Variants in MUC3A observed in about 807,000 individuals in gnomAD.
MUC3A encodes mucin 3A, cell surface associated, also known as mucin-3A.
In MUC3A, 109 loss-of-function variants were observed where a neutral mutation model predicts 109.0. The observed-to-expected ratio is 1.00, with a 90% CI of 0.86 to 1.17. The LOEUF (loss-of-function observed/expected upper bound fraction) is 1.17, where lower values mean the gene tolerates loss of function less well. MUC3A is among the 50% of genes most tolerant of loss of function. The pLI is 0.00. For synonymous variants in MUC3A, 1,398 were observed against 981.4 expected, an observed-to-expected ratio of 1.42 and a Z score of -7.93; for missense variants, 3,537 against 2,469.4, an observed-to-expected ratio of 1.43 and a Z score of -9.16.
chr7:100,964,894 C>A, intron 6 of MUC3A, 51 bp downstream of exon 6: 4 of 1,545,358 alleles, frequency 2.6e-6, no homozygotes, highest in East Asian at 2.3e-5. Context: ...CACCCCAGCC[C>A]ACTCCAGCTC....
At chr7:100,966,348 C>G (rs1459365256) in intron 8 of MUC3A, 38 bp from the exon 9 acceptor site, 6 of 1,298,504 alleles carry the variant, frequency 4.6e-6, no homozygotes, top group South Asian at 3.2e-5. Context: ...ACCCCGAGCC[C>G]GGAGGTGAAG....
At position 100,957,537 on chromosome 7, in the gene MUC3A, A is replaced by G. The variant is rs981427618; in HGVS notation, c.5758A>G (p.Ser1920Gly). The change falls in exon 2 of 12, where the codon AGT becomes GGT. Residue 1920 changes from serine to glycine, a missense_variant. Coordinates refer to ENST00000379458, the MANE Select transcript of MUC3A (RefSeq NM_005960.2). ...SIATTETPSH[S>G]TPRFTSSITT... is the part of the protein sequence containing the mutation. ...CGCAACCACCGAGACCCCCTCACAC[A>G]GTACTCCCAGATTCACTTCTTCAAT... 3 of 1,576,236 alleles carry G rather than the reference A, an allele frequency of 1.9e-6. No individual in the cohort carries two copies. The highest frequency in any genetic ancestry group is 2.6e-6 in the Non-Finnish European group (3 of 1,169,638).
intron 7 of MUC3A, 125 bp from the exon 8 acceptor site, chr7:100,965,579 T>C (rs1792504527): frequency 6.7e-7 from 1 of 1,490,172 alleles, no homozygotes; most frequent in South Asian, 1.3e-5. Context: ...TCCCAGGGTC[T>C]ACCCCACAGC....
At chr7:100,961,109 C>T in intron 3 of MUC3A, 172 bp downstream of exon 3, 5 of 977,306 alleles carry the variant, frequency 5.1e-6, no homozygotes, top group Non-Finnish European at 6.1e-6. Flanking sequence ...CCTCTCCGTC[C>T]TCACCCTTAG....
chr7:100,962,972 C>T (rs1792388526), intron 3 of MUC3A, among the ~76,000 whole-genome samples, 179 bp from the exon 4 acceptor site: 1 of 152,310 alleles, frequency 6.6e-6, no homozygotes, highest in Non-Finnish European at 1.5e-5. Context: ...TCTCCTGCCT[C>T]AGCCTCCTGA....
At chr7:100,965,223 CCTTGACCT>C in intron 6 of MUC3A, 51 bp from the exon 7 acceptor site, 1 of 1,564,856 alleles carries the variant, frequency 6.4e-7, no homozygotes, top group Non-Finnish European at 8.6e-7. Flanking sequence ...GGCGCTAACC[CCTTGACCT>C]TAACCCCTTG....
intron 7 of MUC3A, 96 bp from the exon 8 acceptor site, chr7:100,965,608 A>G: frequency 5.9e-6 from 9 of 1,527,890 alleles, no homozygotes; most frequent in Non-Finnish European, 7.9e-6. Flanking sequence ...TCGGAAATGG[A>G]ATCCTCCTCG....
Position 100,956,867 on chromosome 7 carries a change from C to T in MUC3A, c.5088C>T (p.Ser1696=). 4.8e-6 allele frequency: 2 copies of T among 413,280 alleles called. No homozygotes were observed. Among genetic ancestry groups the T allele is most frequent in the Admixed American group, 4.3e-5 (1 of 23,236 alleles). 25.6% of individuals were successfully genotyped at this position (413,280 alleles called of 1,614,324 possible). Residue 1696 remains serine, a synonymous_variant, in exon 2 of 12, where the codon TCC becomes TCT. Transcript: ENST00000379458. ...ITSTLHTTAE[S]TPSPTTTMSF... Reference sequence around the variant, plus strand: ...GTACACTCCACACAACAGCTGAATCCACCCCATCACCTACAACCACCATGT... The same window carrying T: ...GTACACTCCACACAACAGCTGAATCTACCCCATCACCTACAACCACCATGT...
In MUC3A at chr7:100,960,903, C is replaced by T. The variant is rs1321138578; in HGVS notation, c.9018C>T (p.Ser3006=). The T allele has an allele frequency of 1.3e-6, 2 of 1,598,416 alleles. No individual in the cohort carries two copies. Among genetic ancestry groups the T allele is most frequent in the Non-Finnish European group, 1.7e-6 (2 of 1,179,820 alleles). Residue 3006 remains serine (S), a synonymous_variant, in exon 3 of 12, where the codon TCC becomes TCT. Coordinates refer to ENST00000379458, the MANE Select transcript of MUC3A (RefSeq NM_005960.2). ...KCQCPSTFYG[S]SCEFAVEQVD... ...AGTGCCCCAGCACCTTCTATGGTTC[C>T]AGTTGTGAGTTTGCTGTGGAACAGG... is the stretch of plus-strand genomic sequence containing the variant.
At position 100,957,305 on chromosome 7, in the gene MUC3A, T is replaced by C; in HGVS notation, c.5526T>C (p.Pro1842=). 1 of 566,816 alleles carries C rather than the reference T, an allele frequency of 1.8e-6. No homozygotes were observed. The highest frequency in any genetic ancestry group is 1.9e-5 in the African/African-American group (1 of 51,830). 35.1% of individuals were successfully genotyped at this position (566,816 alleles called of 1,614,324 possible). Residue 1842 remains proline (P), a synonymous_variant, in exon 2 of 12, where the codon CCT becomes CCC. Transcript: ENST00000379458. Reference sequence around the variant, plus strand: ...CACCTACATCTGAGACCACCTACCCTACTTCTCTTACTAGTGCTCTCACAG... The same window carrying C: ...CACCTACATCTGAGACCACCTACCCCACTTCTCTTACTAGTGCTCTCACAG... ...SSTPTSETTY[P]TSLTSALTDS...
At chr7:100,963,094 G>C in intron 3 of MUC3A, 57 bp from the exon 4 acceptor site, 1 of 1,566,490 alleles carries the variant, frequency 6.4e-7, no homozygotes, top group South Asian at 1.2e-5. Context: ...GGTGGTGTTG[G>C]TGGCTTCAGA....
At chr7:100,963,786 T>G in intron 5 of MUC3A, 34 bp downstream of exon 5, 1 of 1,598,346 alleles carries the variant, frequency 6.3e-7, no homozygotes, top group Non-Finnish European at 8.5e-7. Context: ...GGAGGCGGTG[T>G]TGGGTGGGGG....
Position 100,959,446 on chromosome 7 carries a change from GA to G in MUC3A, c.7669del (p.Ile2557LeufsTer28). 1.9e-6 allele frequency: 3 copies of G among 1,553,638 alleles called. No homozygotes were observed. The highest frequency in any genetic ancestry group is 2.6e-6 in the Non-Finnish European group (3 of 1,161,058). On this transcript the variant is annotated frameshift_variant, in exon 2 of 12. Coordinates refer to ENST00000379458, the MANE Select transcript of MUC3A (RefSeq NM_005960.2). LOFTEE classifies it high-confidence loss of function. ...PTMSTVRMTL[R>X]ITENTPISSF... is the part of the protein sequence containing the mutation. ...ATGTCCACTGTGAGAATGACCCTCA[GA>G]ATTACTGAGAACACCCCAATCAGTT...
Position 100,966,679 on chromosome 7 carries a change from C to T in MUC3A, c.9813C>T (p.Phe3271=), listed in dbSNP as rs1375342646. 6.3e-7 allele frequency: 1 copy of T among 1,598,552 alleles called. No individual in the cohort carries two copies. Residue 3271 remains phenylalanine (F), a synonymous_variant, in exon 10 of 12, where the codon TTC becomes TTT. Transcript: ENST00000379458. Reference sequence around the variant, plus strand: ...CCTGGGACCAGGACAGGAAATGGTTCGAGACCTGGGATGAGGAAGTCGTGG... The same window carrying T: ...CCTGGGACCAGGACAGGAAATGGTTTGAGACCTGGGATGAGGAAGTCGTGG... ...GRSWDQDRKW[F]ETWDEEVVGT... is the part of the protein sequence containing the mutation.
chr7:100,963,657 G>T, intron 4 of MUC3A, 31 bp from the exon 5 acceptor site: 2 of 1,598,394 alleles, frequency 1.3e-6, no homozygotes, highest in Non-Finnish European at 1.7e-6. Flanking sequence ...TGCAGGTTCG[G>T]ACGTGAGCCC....
chr7:100,952,186 T>A lies in MUC3A; in HGVS notation c.407T>A (p.Ile136Asn). Residue 136 changes from isoleucine (I) to asparagine (N), a missense_variant, in exon 2 of 12, where the codon ATC becomes AAC. Transcript: ENST00000379458. The part of the protein sequence containing the change: ...TECVYPTSFI[I>N]TISHPTSICV... ...TGCGTGTATCCAACGAGCTTTATAA[T>A]CACCATCTCCCACCCCACCTCCATC... The A allele has an allele frequency of 6.3e-7, 1 of 1,598,516 alleles. No homozygotes were observed. Among genetic ancestry groups the A allele is most frequent in the Non-Finnish European group, 8.5e-7 (1 of 1,179,756 alleles).
chr7:100,964,537 G>C (rs3893036), intron 5 of MUC3A, 158 bp from the exon 6 acceptor site: 5,966 of 1,238,336 alleles, frequency 4.8e-3, no homozygotes, highest in Non-Finnish European at 5.9e-3. Flanking sequence ...AGTCAGGAAT[G>C]CTGGCAGCCC....
In MUC3A at chr7:100,965,870, A is replaced by G. The variant is rs1292809314; in HGVS notation, c.9611+4A>G. 5.0e-6 allele frequency: 8 copies of G among 1,590,436 alleles called. No homozygotes were observed. The highest frequency in any genetic ancestry group is 6.8e-6 in the Non-Finnish European group (8 of 1,174,416). ...AGACGAGCGGTCCCACGTGTCGGTA[A>G]GGCCCCGCTCACCATCGGCATCAGC... On this transcript the variant is annotated splice_donor_region_variant and intron_variant, in intron 8 of 11. Transcript: ENST00000379458.
chr7:100,958,825 A>C lies in MUC3A; in HGVS notation c.7046A>C (p.Glu2349Ala), dbSNP rs575011748. ...RSFTSSITTT[E>A]TNSHSTTSFT... ...TTCACTTCTTCGATCACCACCACCG[A>C]GACCAACTCTCACAGTACTACCAGC... Residue 2349 changes from glutamate to alanine, a missense_variant, in exon 2 of 12, where the codon GAG (glutamate) becomes GCG (alanine). Glu to Ala is a moderately radical substitution (Grantham distance 107, BLOSUM62 -1). Coordinates refer to ENST00000379458, the MANE Select transcript of MUC3A (RefSeq NM_005960.2). 6.6e-7 allele frequency: 1 copy of C among 1,520,208 alleles called. No homozygotes were observed. The highest frequency in any genetic ancestry group is 1.1e-5 in the South Asian group (1 of 87,982). The allele number at this position is 1,520,208 out of a possible 1,614,324, so 94.2% of individuals were successfully genotyped here. A position where few individuals can be genotyped will look rare whatever the true frequency, so the allele number is the denominator to read the frequency against.
Sources: allele counts gnomAD v4.1 joint callset (sites outside exome capture counted in the v4.1 genomes callset), GRCh38; gene constraint gnomAD v4.1.1; transcripts MANE v1.5; gene names NCBI Gene and HGNC (gene_info 2026-07-23, HGNC 2026-07-21).